Variants in CROCC observed in about 807,000 individuals in gnomAD.
The protein encoded by CROCC is ciliary rootlet coiled-coil, rootletin.
In CROCC, 180 loss-of-function variants were observed where a neutral mutation model predicts 245.2. The observed-to-expected ratio is 0.73, with a 90% CI of 0.65 to 0.83. The LOEUF is 0.83. CROCC is among the 40% of genes least tolerant of loss of function. CROCC has a pLI of 0.00. For missense variants in CROCC, 2,688 were observed against 2,779.4 expected, an observed-to-expected ratio of 0.97 and a Z score of 0.74; for synonymous variants, 1,205 against 1,241.6, an observed-to-expected ratio of 0.97 and a Z score of 0.62.
chr1:16,934,274 A>G (rs1332314046), intron 8 of CROCC, among the ~76,000 whole-genome samples: 2 of 152,214 alleles, frequency 1.3e-5, no homozygotes, highest in African/African-American at 4.8e-5. Flanking sequence ...TCAGGAAAGG[A>G]AAGGATTTAA....
chr1:16,920,275 C>T (rs542455771), upstream of CROCC, among the ~76,000 whole-genome samples: 141 of 152,310 alleles, frequency 9.3e-4, no homozygotes, highest in South Asian at 2.5e-3. Context: ...GACGGGGTTT[C>T]ACCATGTAGG....
intron 12 of CROCC, 136 bp from the exon 13 acceptor site, chr1:16,939,758 T>C: frequency 9.2e-7 from 1 of 1,089,628 alleles, no homozygotes; most frequent in East Asian, 2.4e-5. Context: ...CCTAGGCCCC[T>C]ATCCTGCCCC....
Position 16,922,663 on chromosome 1 carries a change from A to G in CROCC, c.61A>G (p.Thr21Ala). Residue 21 changes from threonine (T) to alanine (A), a missense_variant and splice_region_variant, in exon 2 of 37, where the codon ACA becomes GCA. Thr to Ala is a moderately conservative substitution (Grantham distance 58). Transcript: ENST00000375541. ...GAAGACCCTCTCGCTTTTCCCACAG[A>G]CACTGGAGAGCAGCGTCCTGTGCCA... ...VELTLETVIQ[T>A]LESSVLCQEK... is the part of the protein sequence containing the mutation. 2.5e-6 allele frequency: 4 copies of G among 1,603,754 alleles called. No homozygotes were observed. The highest frequency in any genetic ancestry group is 2.6e-6 in the Non-Finnish European group (3 of 1,175,252).
chr1:16,927,548 A>G (rs574771449), intron 3 of CROCC, among the ~76,000 whole-genome samples: 8 of 152,382 alleles, frequency 5.2e-5, no homozygotes, highest in Admixed American at 1.3e-4. Flanking sequence ...ACCTTCAGCC[A>G]CAGATGCCGC....
At chr1:16,921,869 C>T, upstream of CROCC, 1 of 762,378 alleles carries the variant, frequency 1.3e-6, no homozygotes, top group Non-Finnish European at 2.2e-6. Flanking sequence ...TCCTGCTCCT[C>T]CCACCGCGGT....
At chr1:16,939,614 C>T (rs2075876350) in intron 12 of CROCC, among the ~76,000 whole-genome samples, 1 of 152,196 alleles carries the variant, frequency 6.6e-6, no homozygotes, top group African/African-American at 2.4e-5. Context: ...GATCAGAACC[C>T]AGGAGACGAG....
In CROCC at chr1:16,930,770, G is replaced by A. The variant is rs556778555; in HGVS notation, c.849+176G>A. 3.3e-5 allele frequency among the ~76,000 whole-genome samples: 5 copies of A among 152,408 alleles called. No individual in the cohort carries two copies. In the South Asian group the frequency reaches 6.2e-4, roughly 19 times the overall value. ...TTTATCAGTGTGTAGCATGTACCAC[G>A]TGCACGGTGTGCGTTGACCTTTATT... is the stretch of plus-strand genomic sequence containing the variant. On this transcript the variant is annotated intron_variant, in intron 7 of 36. Coordinates refer to ENST00000375541, the MANE Select transcript of CROCC (RefSeq NM_014675.5).
At chr1:16,967,807 G>A (rs934685968) in intron 30 of CROCC, among the ~76,000 whole-genome samples, 4 of 152,156 alleles carry the variant, frequency 2.6e-5, no homozygotes, top group South Asian at 2.1e-4. Flanking sequence ...CAGTTTGCAC[G>A]AGTCAGTGGG....
At position 16,943,867 on chromosome 1, in the gene CROCC, C is replaced by G. The variant is rs536616361; in HGVS notation, c.1809-233C>G. ...GTAGGGTGCTTGGAGATCACACCAG[C>G]ACCTCCATCCACTCCAAGTGGGCGG... On this transcript the variant is annotated intron_variant, in intron 13 of 36. Coordinates refer to ENST00000375541, the MANE Select transcript of CROCC (RefSeq NM_014675.5). Among the ~76,000 whole-genome samples the G allele has an allele frequency of 3.1e-4, 47 of 152,394 alleles. No homozygotes were observed. In the South Asian group the frequency reaches 9.5e-3, roughly 31 times the overall value.
chr1:16,931,324 C>A lies in CROCC; in HGVS notation c.883C>A (p.Arg295Ser). Reference protein sequence around the residue: ...FNAYFSNEHSRLLLLWRQVVG... With the variant: ...FNAYFSNEHSSLLLLWRQVVG... ...CGCCTACTTCAGCAACGAGCACAGTCGCCTGCTCCTCCTCTGGAGGCAGGT... is the reference window on the plus strand; with the variant it reads ...CGCCTACTTCAGCAACGAGCACAGTAGCCTGCTCCTCCTCTGGAGGCAGGT... Residue 295 changes from arginine (R) to serine (S), a missense_variant, in exon 8 of 37, where the codon CGC (arginine) becomes AGC (serine). Transcript: ENST00000375541. 2 of 1,612,558 alleles carry A rather than the reference C, an allele frequency of 1.2e-6. No individual in the cohort carries two copies. Among genetic ancestry groups the A allele is most frequent in the South Asian group, 2.2e-5 (2 of 90,900 alleles).
intron 3 of CROCC, among the ~76,000 whole-genome samples, chr1:16,928,858 G>A (rs770311413): frequency 7.9e-5 from 12 of 152,136 alleles, no homozygotes; most frequent in Admixed American, 7.8e-4. Context: ...ATGGAGTCTT[G>A]CTCTGTCGCC....
At chr1:16,943,296 G>A (rs1402461617) in intron 13 of CROCC, among the ~76,000 whole-genome samples, 1 of 152,136 alleles carries the variant, frequency 6.6e-6, no homozygotes, top group African/African-American at 2.4e-5. Flanking sequence ...CCAGCACTTT[G>A]GGAGGCCGAG....
At chr1:16,971,781 C>T (rs940441864) in intron 36 of CROCC, 134 bp downstream of exon 36, 23 of 924,604 alleles carry the variant, frequency 2.5e-5, no homozygotes, top group Non-Finnish European at 3.4e-5. Context: ...GTTGGCTCTG[C>T]GCTGGTGTCA....
Position 16,930,534 on chromosome 1 carries a change from C to T in CROCC, c.789C>T (p.Asp263=), listed in dbSNP as rs779109581. 13 of 1,612,492 alleles carry T rather than the reference C, an allele frequency of 8.1e-6. No individual in the cohort carries two copies. Among genetic ancestry groups the T allele is most frequent in the Non-Finnish European group, 1.1e-5 (13 of 1,179,842 alleles). The change falls in exon 7 of 37, where the codon GAC becomes GAT. Residue 263 remains aspartate, a synonymous_variant. Transcript: ENST00000375541. ...AGGACATACGAAAGGTGACCAATGACTGGACACGCTGCCGCAAGGAGCTGG... is the reference window on the plus strand; with the variant it reads ...AGGACATACGAAAGGTGACCAATGATTGGACACGCTGCCGCAAGGAGCTGG... ...LSEDIRKVTN[D]WTRCRKELEH...
intron 30 of CROCC, among the ~76,000 whole-genome samples, chr1:16,967,397 G>A (rs12757283): frequency 0.22 from 33,056 of 151,896 alleles, 3,841 homozygotes; most frequent in South Asian, 0.31. Context: ...CACCACCCCC[G>A]CCCCCAAGGC....
intron 12 of CROCC, among the ~76,000 whole-genome samples, chr1:16,939,668 G>A (rs368704307): frequency 7.2e-5 from 11 of 152,328 alleles, no homozygotes; most frequent in African/African-American, 2.4e-4. Flanking sequence ...TTTGATAGGA[G>A]TTGTCCGGGA....
chr1:16,922,210 C>G, intron 1 of CROCC, 132 bp downstream of exon 1: 1 of 940,178 alleles, frequency 1.1e-6, no homozygotes, highest in Non-Finnish European at 1.6e-6. Context: ...ATACAGGGGC[C>G]CCCCGCTTGC....
intron 8 of CROCC, among the ~76,000 whole-genome samples, chr1:16,935,126 CT>C: frequency 6.6e-6 from 1 of 152,382 alleles, no homozygotes; most frequent in Non-Finnish European, 1.5e-5. Context: ...TCTTGAACTC[CT>C]GACCTCAGGT....
intron 8 of CROCC, among the ~76,000 whole-genome samples, chr1:16,931,944 T>C (rs375810489): frequency 5.2e-4 from 79 of 152,244 alleles, no homozygotes; most frequent in African/African-American, 1.8e-3. Flanking sequence ...TTTTTTGTAT[T>C]TTAGTAGAGA....
Sources: gnomAD v4.1 joint callset for allele counts (sites outside exome capture counted in the v4.1 genomes callset) on GRCh38, gnomAD v4.1.1 for gene constraint, MANE v1.5 for transcripts, NCBI Gene and HGNC (gene_info 2026-07-23, HGNC 2026-07-21) for gene names.